Variants in SBF2 observed in about 807,000 individuals in gnomAD.
SBF2 encodes SET binding factor 2, also known as myotubularin-related protein 13.
Under a neutral mutation model 225.2 loss-of-function variants are expected in SBF2, and 112 were observed. The ratio of observed to expected loss-of-function variants is 0.50; its 90% CI spans 0.43 to 0.58. SBF2 has a LOEUF of 0.58. Ranked by LOEUF, SBF2 falls within the 20% of genes least tolerant of loss-of-function variation. The pLI, the probability that SBF2 is intolerant of heterozygous loss-of-function variation, is 0.00. For missense variants in SBF2, 1,996 were observed against 2,206.2 expected (o/e 0.90, Z 1.91); for synonymous variants, 763 against 773.3 (o/e 0.99, Z 0.22).
At chr11:10,269,835 C>A (rs558470883) in intron 1 of SBF2, among the ~76,000 whole-genome samples, 5 of 152,248 alleles carry the variant, frequency 3.3e-5, no homozygotes, top group Non-Finnish European at 7.4e-5. Context: ...AATCATAGCT[C>A]ACTGGAACCT....
At chr11:10,015,531 T>C (rs957338997) in intron 6 of SBF2, among the ~76,000 whole-genome samples, 3 of 152,198 alleles carry the variant, frequency 2.0e-5, no homozygotes, top group Non-Finnish European at 1.5e-5. Flanking sequence ...TGAAGGTAAA[T>C]CTTTTGCCAC....
rs1301654812 is a variant in SBF2, at chr11:10,132,682, A to G, written c.141+61220T>C. The stretch of plus-strand genomic sequence containing the variant: ...AGTGAGCAGTAGCAAGATTTATTGC[A>G]AAGAACGAAAGAACAAAGCTTCCAC... On this transcript the variant is annotated intron_variant, in intron 2 of 39. Transcript: ENST00000256190. 2.0e-5 allele frequency among the ~76,000 whole-genome samples: 3 copies of G among 148,638 alleles called. 1 individual carries two copies. Among genetic ancestry groups the G allele is most frequent in the African/African-American group, 5.0e-5 (2 of 40,220 alleles).
At chr11:10,236,555 G>T (rs915490105) in intron 1 of SBF2, among the ~76,000 whole-genome samples, 1 of 152,134 alleles carries the variant, frequency 6.6e-6, no homozygotes, top group Non-Finnish European at 1.5e-5. Flanking sequence ...CGCCTCCTGG[G>T]TTCAAGCAAT....
At position 9,904,448 on chromosome 11, in the gene SBF2, T is replaced by C. The variant is rs1181524955; in HGVS notation, c.1861-8437A>G. 3.9e-5 allele frequency among the ~76,000 whole-genome samples: 6 copies of C among 152,276 alleles called. No individual in the cohort carries two copies. The South Asian group carries it at 1.2e-3, about 32-fold the overall frequency. On this transcript the variant is annotated intron_variant, in intron 16 of 39. Coordinates refer to ENST00000256190, the MANE Select transcript of SBF2 (RefSeq NM_030962.4). ...AACCTAATAACTTAGCCTCAAAGTATACAAAGCAAAAACTGACAGATGTAA... is the reference window on the plus strand; with the variant it reads ...AACCTAATAACTTAGCCTCAAAGTACACAAAGCAAAAACTGACAGATGTAA...
chr11:10,248,102 C>T (rs535431801), intron 1 of SBF2, among the ~76,000 whole-genome samples: 93 of 152,318 alleles, frequency 6.1e-4, no homozygotes, highest in African/African-American at 2.1e-3. Context: ...TGGAGCATTA[C>T]ATTCTAGATA....
chr11:9,989,863 A>G (rs1410332660), intron 12 of SBF2, among the ~76,000 whole-genome samples: 1 of 152,210 alleles, frequency 6.6e-6, no homozygotes, highest in African/African-American at 2.4e-5. Flanking sequence ...AGACCCTGTC[A>G]TTCCACAGGC....
chr11:10,218,693 C>T (rs774369321), intron 1 of SBF2, among the ~76,000 whole-genome samples: 4 of 152,146 alleles, frequency 2.6e-5, no homozygotes, highest in Admixed American at 6.6e-5. Flanking sequence ...CTAGATACAA[C>T]GGAGGTACAG....
intron 17 of SBF2, among the ~76,000 whole-genome samples, chr11:9,876,987 C>T (rs1414047121): frequency 1.3e-5 from 2 of 152,212 alleles, no homozygotes; most frequent in African/African-American, 4.8e-5. Context: ...AATCCACCCA[C>T]CTCGGCCTCC....
intron 16 of SBF2, among the ~76,000 whole-genome samples, chr11:9,929,435 G>A (rs538188624): frequency 3.7e-4 from 57 of 152,254 alleles, no homozygotes; most frequent in Admixed American, 3.2e-3. Context: ...GCTCCAAAGC[G>A]CTTCCCAAAG....
At position 10,218,327 on chromosome 11, in the gene SBF2, C is replaced by A. The variant is rs747784798; in HGVS notation, c.56-24340G>T. Among the ~76,000 whole-genome samples the A allele has an allele frequency of 9.2e-3, 1,064 of 115,376 alleles. 12 individuals carry two copies. Among genetic ancestry groups the A allele is most frequent in the South Asian group, 0.03 (83 of 2,754 alleles). 75.7% of individuals were successfully genotyped at this position (115,376 alleles called of 152,430 possible). A position where few individuals can be genotyped will look rare whatever the true frequency, so the allele number is the denominator to read the frequency against. On this transcript the variant is annotated intron_variant, in intron 1 of 39. Coordinates refer to ENST00000256190, the MANE Select transcript of SBF2 (RefSeq NM_030962.4). The stretch of plus-strand genomic sequence containing the variant: ...ATAGCACAGGAAAGACCCACCCCCC[C>A]CCCCACCCAATGATTCAATTACCTC...
At chr11:9,914,449 C>T (rs1399431772) in intron 16 of SBF2, among the ~76,000 whole-genome samples, 1 of 152,174 alleles carries the variant, frequency 6.6e-6, no homozygotes, top group Non-Finnish European at 1.5e-5. Context: ...GCAAAATAGT[C>T]TTTTCAACAA....
At chr11:10,070,465 T>C (rs1950819024) in intron 2 of SBF2, among the ~76,000 whole-genome samples, 1 of 152,124 alleles carries the variant, frequency 6.6e-6, no homozygotes, top group Non-Finnish European at 1.5e-5. Context: ...GATCAGATGG[T>C]TGTAGGTGTG....
chr11:10,080,430 C>T (rs1951321934), intron 2 of SBF2, among the ~76,000 whole-genome samples: 1 of 151,776 alleles, frequency 6.6e-6, no homozygotes, highest in Non-Finnish European at 1.5e-5. Context: ...CACTCTCCAT[C>T]CTAACAAAAC....
At chr11:10,092,856 G>A (rs1055161235) in intron 2 of SBF2, among the ~76,000 whole-genome samples, 4 of 151,958 alleles carry the variant, frequency 2.6e-5, no homozygotes, top group African/African-American at 9.7e-5. Context: ...ATTCCTCTCA[G>A]TAAGATTATA....
intron 1 of SBF2, among the ~76,000 whole-genome samples, chr11:10,254,939 A>AAAAAAAAAAAAT (rs1960737355): frequency 8.8e-6 from 1 of 113,918 alleles, no homozygotes; most frequent in African/African-American, 3.2e-5. Flanking sequence ...AAAAAAAAAA[A>AAAAAAAAAAAAT]TCCTATTATT....
chr11:10,222,170 T>C (rs190112798), intron 1 of SBF2, among the ~76,000 whole-genome samples: 5 of 152,160 alleles, frequency 3.3e-5, no homozygotes, highest in Admixed American at 3.3e-4. Flanking sequence ...GCATCAACAC[T>C]CTTTGGAGGA....
chr11:10,096,379 A>G (rs950109776), intron 2 of SBF2, among the ~76,000 whole-genome samples: 11 of 146,198 alleles, frequency 7.5e-5, no homozygotes, highest in Non-Finnish European at 1.5e-4. Flanking sequence ...AGAAATATGT[A>G]TTTTTAACTA....
At chr11:9,924,122 CTG>C (rs1398092706) in intron 16 of SBF2, among the ~76,000 whole-genome samples, 1 of 152,162 alleles carries the variant, frequency 6.6e-6, no homozygotes, top group Non-Finnish European at 1.5e-5. Context: ...TGATGTCTGA[CTG>C]AAATACAGAT....
intron 1 of SBF2, among the ~76,000 whole-genome samples, chr11:10,223,149 A>T (rs1278428329): frequency 6.6e-6 from 1 of 151,782 alleles, no homozygotes; most frequent in Admixed American, 6.6e-5. Flanking sequence ...CTGATTACAT[A>T]AAATCTAACA....
Sources: allele counts gnomAD v4.1 joint callset (sites outside exome capture counted in the v4.1 genomes callset), GRCh38; gene constraint gnomAD v4.1.1; transcripts MANE v1.5; gene names NCBI Gene and HGNC (gene_info 2026-07-23, HGNC 2026-07-21).